MORC1: variants seen among roughly 807,000 people sequenced by gnomAD.
The protein encoded by MORC1 is MORC family CW-type zinc finger protein 1.
In MORC1, 59 loss-of-function variants were observed where a neutral mutation model predicts 134.9. The ratio of observed to expected loss-of-function variants is 0.44; its 90% confidence interval spans 0.35 to 0.54. The LOEUF (loss-of-function observed/expected upper bound fraction) is 0.54. Ranked by LOEUF, MORC1 falls within the 20% of genes least tolerant of loss-of-function variation. MORC1 has a pLI of 0.00. For missense variants in MORC1, 947 were observed against 1,134.5 expected, an observed-to-expected ratio of 0.83 and a Z score of 2.37; for synonymous variants, 395 against 391.7, an observed-to-expected ratio of 1.01 and a Z score of -0.10.
intron 9 of MORC1, among the ~76,000 whole-genome samples, chr3:109,067,952 A>T (rs1471687609): frequency 6.6e-6 from 1 of 152,202 alleles, no homozygotes; most frequent in Non-Finnish European, 1.5e-5. Context: ...CAGACATATA[A>T]TAAAGAGTTA....
intron 20 of MORC1, among the ~76,000 whole-genome samples, chr3:109,002,615 C>T (rs1948434942): frequency 6.6e-6 from 1 of 152,104 alleles, no homozygotes; most frequent in African/African-American, 2.4e-5. Flanking sequence ...AGAAAGAGTC[C>T]CAGGCTCAAG....
rs1388042111 is a variant in MORC1 at position 109,066,583 on chromosome 3, G to A, written c.815+3049C>T. ...ATACAGGCGTGAGCCACTGCACCCA[G>A]CCCAGGAATTTTCTCTTTTTGCTTT... On this transcript the variant is annotated intron_variant, in intron 9 of 27. Transcript: ENST00000232603. 2.6e-5 allele frequency among the ~76,000 whole-genome samples: 4 copies of A among 152,294 alleles called. No homozygotes were observed. In the East Asian group the frequency reaches 7.7e-4, roughly 29 times the overall value.
chr3:108,989,461 A>G (rs1357162108), intron 21 of MORC1, among the ~76,000 whole-genome samples: 1 of 152,096 alleles, frequency 6.6e-6, no homozygotes, highest in African/African-American at 2.4e-5. Context: ...ATGGATCAAC[A>G]TAATACTGCA....
chr3:109,065,240 T>G (rs1317240833), intron 9 of MORC1, among the ~76,000 whole-genome samples: 4 of 150,410 alleles, frequency 2.7e-5, no homozygotes, highest in Non-Finnish European at 5.9e-5. Context: ...TCTGCTCAAG[T>G]CATTCCATTC....
chr3:108,968,229 T>C, intron 26 of MORC1, among the ~76,000 whole-genome samples: 1 of 152,224 alleles, frequency 6.6e-6, no homozygotes, highest in East Asian at 1.9e-4. Flanking sequence ...GTTACTGCTT[T>C]TACAGCAAAA....
intron 17 of MORC1, 63 bp downstream of exon 17, chr3:109,027,688 C>T (rs1352315192): frequency 2.5e-5 from 40 of 1,594,212 alleles, no homozygotes; most frequent in Middle Eastern, 1.7e-4. Flanking sequence ...AGTCAATTTG[C>T]ACATATGAAA....
intron 8 of MORC1, among the ~76,000 whole-genome samples, chr3:109,074,142 A>AT (rs1325666364): frequency 6.6e-6 from 1 of 152,112 alleles, no homozygotes; most frequent in Non-Finnish European, 1.5e-5. Flanking sequence ...TTAGCACAAA[A>AT]TTTCAACTGC....
chr3:109,005,348 G>C, intron 18 of MORC1, 33 bp from the exon 19 acceptor site: 1 of 1,530,800 alleles, frequency 6.5e-7, no homozygotes, highest in Non-Finnish European at 8.8e-7. Context: ...TTTATTTTTT[G>C]GTAGATAGCC....
At chr3:109,000,686 A>C (rs1328586004) in intron 20 of MORC1, 28 bp from the exon 21 acceptor site, 3 of 1,551,292 alleles carry the variant, frequency 1.9e-6, no homozygotes, top group Admixed American at 3.4e-5. Flanking sequence ...CAAAAAAAAT[A>C]CAAGGATTAG....
intron 1 of MORC1, among the ~76,000 whole-genome samples, chr3:109,117,386 T>C (rs990882874): frequency 1.3e-5 from 2 of 149,618 alleles, no homozygotes; most frequent in Non-Finnish European, 3.0e-5. Context: ...CGTTCCACTG[T>C]GAATTAAATA....
At chr3:108,975,508 A>AT (rs1264427938) in intron 24 of MORC1, among the ~76,000 whole-genome samples, 2 of 152,218 alleles carry the variant, frequency 1.3e-5, no homozygotes, top group African/African-American at 4.8e-5. Context: ...AAAACAAGGC[A>AT]TTACATTTCA....
In MORC1 at chr3:109,009,197, G is replaced by GTTT. The variant is rs201228015; in HGVS notation, c.1705-2109_1705-2107dup. Among the ~76,000 whole-genome samples the GTTT allele has an allele frequency of 5.2e-4, 70 of 133,830 alleles. 1 individual carries two copies. Among genetic ancestry groups the GTTT allele is most frequent in the Non-Finnish European group, 7.8e-4 (48 of 61,498 alleles). 87.8% of individuals were successfully genotyped at this position (133,830 alleles called of 152,430 possible). The stretch of plus-strand genomic sequence containing the variant: ...TTCCTGAGTTCTTTCCTATTTTTAC[G>GTTT]TTTTTTGTTGTTTTTTTTTTTTTTT... On this transcript the variant is annotated intron_variant, in intron 17 of 27. Transcript: ENST00000232603.
At chr3:109,080,886 A>G (rs559773503) in intron 8 of MORC1, among the ~76,000 whole-genome samples, 7 of 152,288 alleles carry the variant, frequency 4.6e-5, no homozygotes, top group Admixed American at 2.6e-4. Context: ...GGAATAGTTC[A>G]TCCAGAAACA....
intron 13 of MORC1, among the ~76,000 whole-genome samples, chr3:109,055,195 A>G (rs897579097): frequency 1.5e-4 from 23 of 152,222 alleles, no homozygotes; most frequent in African/African-American, 5.3e-4. Context: ...ATTAAAAACC[A>G]TGGTGCCTTA....
chr3:108,960,567 G>A (rs1293237240), intron 27 of MORC1, among the ~76,000 whole-genome samples: 1 of 152,126 alleles, frequency 6.6e-6, no homozygotes, highest in East Asian at 1.9e-4. Context: ...TTTGCTTGTT[G>A]ACTTTTTTGA....
At chr3:109,021,381 A>G (rs1452084748) in intron 17 of MORC1, among the ~76,000 whole-genome samples, 1 of 152,202 alleles carries the variant, frequency 6.6e-6, no homozygotes, top group Non-Finnish European at 1.5e-5. Flanking sequence ...TCCTCTCTCC[A>G]TCTCTGCTGA....
chr3:109,056,915 GTTT>G (rs757596646), intron 13 of MORC1, among the ~76,000 whole-genome samples: 12 of 152,150 alleles, frequency 7.9e-5, no homozygotes, highest in Non-Finnish European at 1.6e-4. Flanking sequence ...AGGCTAGAGA[GTTT>G]TAATAACATA....
chr3:109,084,872 A>T (rs1049002754), intron 8 of MORC1, among the ~76,000 whole-genome samples: 10 of 152,140 alleles, frequency 6.6e-5, no homozygotes, highest in African/African-American at 2.4e-4. Flanking sequence ...TTTTTGACAA[A>T]GCCATCAAAA....
At chr3:109,049,356 T>C (rs1054969619) in intron 14 of MORC1, among the ~76,000 whole-genome samples, 15 of 152,350 alleles carry the variant, frequency 9.8e-5, no homozygotes, top group Non-Finnish European at 1.8e-4. Flanking sequence ...GGTTAGGTGA[T>C]AGCATAATCA....
Sources: allele counts gnomAD v4.1 joint callset (sites outside exome capture counted in the v4.1 genomes callset), GRCh38; gene constraint gnomAD v4.1.1; transcripts MANE v1.5; gene names NCBI Gene and HGNC (gene_info 2026-07-23, HGNC 2026-07-21).